Variants in SLC22A23 observed in about 807,000 individuals in gnomAD.
The protein encoded by SLC22A23 is solute carrier family 22 member 23, also known as ion transporter protein.
In SLC22A23, 26 loss-of-function variants were observed where a neutral mutation model predicts 61.0. The ratio of observed to expected loss-of-function variants is 0.43; its 90% CI spans 0.31 to 0.59. SLC22A23 has a LOEUF of 0.59. SLC22A23 is among the 20% of genes least tolerant of loss of function. The probability of loss-of-function intolerance (pLI) is 0.11; values close to 1 mark genes in which losing one functional copy is unlikely to be tolerated. For missense variants in SLC22A23, 796 were observed against 934.7 expected, an observed-to-expected ratio of 0.85 and a Z score of 1.94; for synonymous variants, 430 against 413.9, an observed-to-expected ratio of 1.04 and a Z score of -0.47.
intron 9 of SLC22A23, among the ~76,000 whole-genome samples, chr6:3,282,687 G>C (rs761262058): frequency 6.6e-6 from 1 of 152,236 alleles, no homozygotes; most frequent in Non-Finnish European, 1.5e-5. Context: ...GAAGGCACGT[G>C]CATGAGAAAT....
chr6:3,376,203 G>A (rs1766549209), intron 3 of SLC22A23, among the ~76,000 whole-genome samples: 1 of 152,170 alleles, frequency 6.6e-6, no homozygotes. Flanking sequence ...CCATTAGCGG[G>A]AAACCAGACT....
chr6:3,323,132 A>T (rs1763060091), intron 4 of SLC22A23: 2 of 401,036 alleles, frequency 5.0e-6, no homozygotes, highest in Non-Finnish European at 1.0e-5. Context: ...CTGCCGGCAA[A>T]GCTAGCAGGT....
chr6:3,397,107 G>A (rs906944853), intron 3 of SLC22A23, among the ~76,000 whole-genome samples: 1 of 152,304 alleles, frequency 6.6e-6, no homozygotes. Context: ...CTCCTCTAGA[G>A]GTTTGAGCAG....
chr6:3,405,642 T>C (rs1041686148), intron 3 of SLC22A23, among the ~76,000 whole-genome samples: 1 of 150,796 alleles, frequency 6.6e-6, no homozygotes, highest in African/African-American at 2.5e-5. Context: ...TTTTTACATA[T>C]ATAGCATAGT....
At chr6:3,448,790 A>C (rs4246063) in intron 1 of SLC22A23, among the ~76,000 whole-genome samples, 1 of 151,762 alleles carries the variant, frequency 6.6e-6, no homozygotes, top group Non-Finnish European at 1.5e-5. Context: ...AACCGCGCCC[A>C]GCCCCCACCA....
Position 3,272,314 on chromosome 6 carries a change from A to G in SLC22A23, c.*741T>C, listed in dbSNP as rs966992223. On this transcript the variant is annotated 3_prime_UTR_variant, in exon 10 of 10. Coordinates refer to ENST00000406686, the MANE Select transcript of SLC22A23 (RefSeq NM_015482.2). ...GTCTCGACGCATCTGTTAGCTGTGTACTCACAAAGCTGTGGCGATATGACT... is the reference window on the plus strand; with the variant it reads ...GTCTCGACGCATCTGTTAGCTGTGTGCTCACAAAGCTGTGGCGATATGACT... The G allele has an allele frequency of 1.3e-5, 2 of 152,760 alleles. No homozygotes were observed. Among genetic ancestry groups the G allele is most frequent in the African/African-American group, 2.4e-5 (1 of 41,436 alleles). The allele number at this position is 152,760 out of a possible 1,614,324, so 9.5% of individuals were successfully genotyped here. A position where few individuals can be genotyped will look rare whatever the true frequency, so the allele number is the denominator to read the frequency against.
intron 1 of SLC22A23, among the ~76,000 whole-genome samples, chr6:3,422,806 A>G (rs187337095): frequency 1.3e-5 from 2 of 152,288 alleles, no homozygotes; most frequent in African/African-American, 4.8e-5. Context: ...TAGTGCTAAA[A>G]TAATAACCAT....
intron 1 of SLC22A23, among the ~76,000 whole-genome samples, chr6:3,438,923 C>A (rs1771401306): frequency 6.6e-6 from 1 of 152,240 alleles, no homozygotes; most frequent in African/African-American, 2.4e-5. Flanking sequence ...AGCCTGAACA[C>A]CCATGTGTCC....
intron 3 of SLC22A23, among the ~76,000 whole-genome samples, chr6:3,334,431 G>A (rs973007063): frequency 6.6e-6 from 1 of 152,046 alleles, no homozygotes; most frequent in African/African-American, 2.4e-5. Context: ...AAAGTGCTGG[G>A]ATCACAGGCA....
In SLC22A23 at chr6:3,308,811, C is replaced by T. The variant is rs1316874018; in HGVS notation, c.1083-10593G>A. On this transcript the variant is annotated intron_variant, in intron 4 of 9. Coordinates refer to ENST00000406686, the MANE Select transcript of SLC22A23 (RefSeq NM_015482.2). The surrounding 1 kb of genome is among the most constrained non-coding windows in gnomAD (Gnocchi z 5.1). Reference sequence around the variant, plus strand: ...TACAGAAATTAGCCAAGCATGGTGGCGCAGGCCTGTAATCCCAGCTACTCA... The same window carrying T: ...TACAGAAATTAGCCAAGCATGGTGGTGCAGGCCTGTAATCCCAGCTACTCA... 6.6e-6 allele frequency among the ~76,000 whole-genome samples: 1 copy of T among 151,732 alleles called. No individual in the cohort carries two copies. Among genetic ancestry groups the T allele is most frequent in the African/African-American group, 2.4e-5 (1 of 41,246 alleles).
At chr6:3,358,318 A>G (rs1243502164) in intron 3 of SLC22A23, among the ~76,000 whole-genome samples, 2 of 152,218 alleles carry the variant, frequency 1.3e-5, no homozygotes, top group African/African-American at 2.4e-5. Flanking sequence ...AGATATGGAA[A>G]CAACGCAGAG....
rs1181926350 is a variant in SLC22A23, at chr6:3,387,421, G to C, written c.913+22767C>G. On this transcript the variant is annotated intron_variant, in intron 3 of 9. Transcript: ENST00000406686. The surrounding 1 kb of genome is among the most constrained non-coding windows in gnomAD (Gnocchi z 5.0). ...ACCACTGTCCTCATCACAGTGTTAA[G>C]GTCACAAAAGACAAACCCAAGGAAC... 2.0e-5 allele frequency among the ~76,000 whole-genome samples: 3 copies of C among 152,184 alleles called. No homozygotes were observed. Among genetic ancestry groups the C allele is most frequent in the Non-Finnish European group, 4.4e-5 (3 of 68,038 alleles).
chr6:3,439,123 C>T (rs542675869), intron 1 of SLC22A23, among the ~76,000 whole-genome samples: 9 of 152,198 alleles, frequency 5.9e-5, no homozygotes, highest in South Asian at 4.2e-4. Context: ...GATCTGGGGC[C>T]GGATCATCCC....
chr6:3,279,720 C>T (rs1018353213), intron 9 of SLC22A23, among the ~76,000 whole-genome samples: 4 of 151,748 alleles, frequency 2.6e-5, no homozygotes, highest in African/African-American at 9.7e-5. Flanking sequence ...TTCTGCTTTT[C>T]TCTGGGTTGT....
intron 4 of SLC22A23, among the ~76,000 whole-genome samples, chr6:3,321,898 G>A (rs1276248876): frequency 1.3e-5 from 2 of 152,250 alleles, no homozygotes; most frequent in Non-Finnish European, 2.9e-5. Context: ...ACAGGGGCCT[G>A]CTGGGGAGAG....
chr6:3,387,464 G>T lies in SLC22A23; in HGVS notation c.913+22724C>A, dbSNP rs1009560070. Among the ~76,000 whole-genome samples the T allele has an allele frequency of 2.6e-5, 4 of 152,228 alleles. No homozygotes were observed. The highest frequency in any genetic ancestry group is 6.5e-5 in the Admixed American group (1 of 15,288). On this transcript the variant is annotated intron_variant, in intron 3 of 9. Transcript: ENST00000406686. The surrounding 1 kb of genome is among the most constrained non-coding windows in gnomAD (Gnocchi z 5.0). ...CAAGGAACTGTCACAGATCAGAGGC[G>T]ACTGTGGAGACACAGCTACATTTAA...
chr6:3,338,470 G>A (rs545633976), intron 3 of SLC22A23, among the ~76,000 whole-genome samples: 10 of 152,336 alleles, frequency 6.6e-5, no homozygotes, highest in African/African-American at 9.6e-5. Flanking sequence ...GGGACTACAG[G>A]CGCATGCCGC....
intron 5 of SLC22A23, chr6:3,291,982 T>G (rs375017019): frequency 6.6e-6 from 1 of 152,104 alleles, no homozygotes; most frequent in Non-Finnish European, 1.5e-5. Context: ...TAGAACCCAG[T>G]CTAAAAAATT....
In SLC22A23 at chr6:3,309,752, G is replaced by A. The variant is rs1762241850; in HGVS notation, c.1083-11534C>T. On this transcript the variant is annotated intron_variant, in intron 4 of 9. Coordinates refer to ENST00000406686, the MANE Select transcript of SLC22A23 (RefSeq NM_015482.2). This position sits in a 1 kb window ranked among gnomAD's most constrained non-coding sequence, Gnocchi z 4.7. ...AGAAGTACCTGCTGCCACAGGGATG[G>A]CTCTCCAATCACTCACCAGGGACAG... is the stretch of plus-strand genomic sequence containing the variant. 6.6e-6 allele frequency among the ~76,000 whole-genome samples: 1 copy of A among 152,218 alleles called. No individual in the cohort carries two copies.
Sources: gnomAD v4.1 joint callset for allele counts (sites outside exome capture counted in the v4.1 genomes callset) on GRCh38, gnomAD v4.1.1 for gene constraint, Gnocchi (gnomAD v3.1) non-coding constraint, MANE v1.5 for transcripts, NCBI Gene and HGNC (gene_info 2026-07-23, HGNC 2026-07-21) for gene names.